SNX29: variants seen among roughly 807,000 people sequenced by gnomAD.
SNX29 encodes sorting nexin 29, also known as sorting nexin-29.
A neutral mutation model predicts 102.1 loss-of-function variants in SNX29; 78 were observed. That is an observed-to-expected ratio of 0.76 (90% confidence interval 0.64 to 0.92). The LOEUF is 0.92. SNX29 is among the 40% of genes least tolerant of loss of function. The probability of loss-of-function intolerance (pLI) is 0.00; values close to 1 mark genes in which losing one functional copy is unlikely to be tolerated. For synonymous variants in SNX29, 580 were observed against 414.5 expected, an observed-to-expected ratio of 1.40 and a Z score of -4.85; for missense variants, 1,280 against 1,061.7, an observed-to-expected ratio of 1.21 and a Z score of -2.86.
chr16:12,405,019 T>C (rs530402841), intron 18 of SNX29, among the ~76,000 whole-genome samples: 1 of 152,332 alleles, frequency 6.6e-6, no homozygotes, highest in African/African-American at 2.4e-5. Context: ...CCAGCTCCGG[T>C]TTAAAGGGAG....
intron 19 of SNX29, among the ~76,000 whole-genome samples, chr16:12,522,766 C>G (rs1262166853): frequency 6.6e-6 from 1 of 152,182 alleles, no homozygotes; most frequent in East Asian, 1.9e-4. Context: ...CCAGTTAAAC[C>G]TCTTTTCTGT....
At chr16:12,534,569 T>A (rs1200978190) in intron 20 of SNX29, among the ~76,000 whole-genome samples, 1 of 152,228 alleles carries the variant, frequency 6.6e-6, no homozygotes, top group Non-Finnish European at 1.5e-5. Flanking sequence ...CACAGGTTAT[T>A]AGGGTTGAAA....
intron 20 of SNX29, among the ~76,000 whole-genome samples, chr16:12,567,452 T>G (rs1236790287): frequency 6.6e-6 from 1 of 152,176 alleles, no homozygotes; most frequent in East Asian, 1.9e-4. Context: ...CCCCAGAATT[T>G]ATGTGTCCCC....
At chr16:11,995,229 C>A (rs2056018971) in intron 1 of SNX29, among the ~76,000 whole-genome samples, 1 of 152,160 alleles carries the variant, frequency 6.6e-6, no homozygotes, top group Non-Finnish European at 1.5e-5. Context: ...CCACACCTGG[C>A]TAATTTTTGT....
At chr16:12,565,191 G>C (rs2078946261) in intron 20 of SNX29, among the ~76,000 whole-genome samples, 1 of 152,042 alleles carries the variant, frequency 6.6e-6, no homozygotes, top group South Asian at 2.1e-4. Flanking sequence ...CCCACCTTCA[G>C]ATTCTGCTAT....
chr16:12,502,002 C>A (rs536095463), intron 19 of SNX29, among the ~76,000 whole-genome samples: 1 of 152,156 alleles, frequency 6.6e-6, no homozygotes, highest in Non-Finnish European at 1.5e-5. Flanking sequence ...GACCTTCTCT[C>A]TCTGACTCAT....
chr16:12,555,939 A>G (rs1362172082), intron 20 of SNX29, among the ~76,000 whole-genome samples: 2 of 152,148 alleles, frequency 1.3e-5, no homozygotes, highest in Non-Finnish European at 2.9e-5. Context: ...AGGTCTGTTT[A>G]CATCACACCA....
chr16:12,255,700 T>C (rs544098423), intron 14 of SNX29, among the ~76,000 whole-genome samples: 2 of 152,354 alleles, frequency 1.3e-5, no homozygotes, highest in Admixed American at 1.3e-4. Context: ...TCATCACAAA[T>C]GACAGGATTT....
chr16:12,240,930 CT>C (rs1268278914), intron 14 of SNX29, among the ~76,000 whole-genome samples: 1 of 152,048 alleles, frequency 6.6e-6, no homozygotes, highest in African/African-American at 2.4e-5. Context: ...TGTGGTAAAT[CT>C]TTTTCTTTTA....
At chr16:12,339,973 A>G (rs1291373160) in intron 15 of SNX29, among the ~76,000 whole-genome samples, 2 of 152,212 alleles carry the variant, frequency 1.3e-5, no homozygotes, top group Non-Finnish European at 2.9e-5. Flanking sequence ...CCATTAGCCA[A>G]AAAAGAGGGG....
In SNX29 at chr16:12,205,587, CT is replaced by C. The variant is rs146819467; in HGVS notation, c.1678+5905del. ...CTCAGGCTCTTTGCACGTGCTGCCC[CT>C]ATGCAGGGACGCTCTTCCCTGGTCT... On this transcript the variant is annotated intron_variant, in intron 14 of 20. Transcript: ENST00000566228. Among the ~76,000 whole-genome samples the C allele has an allele frequency of 1.7e-3, 262 of 151,934 alleles. 1 individual carries two copies. Among genetic ancestry groups the C allele is most frequent in the African/African-American group, 6.1e-3 (251 of 41,404 alleles).
intron 19 of SNX29, among the ~76,000 whole-genome samples, chr16:12,489,057 C>T (rs2088401505): frequency 6.6e-6 from 1 of 152,190 alleles, no homozygotes; most frequent in Non-Finnish European, 1.5e-5. Flanking sequence ...TCTGAAAAGA[C>T]TTAACCCGTA....
At chr16:12,268,944 A>G (rs1596695560) in intron 14 of SNX29, among the ~76,000 whole-genome samples, 1 of 152,258 alleles carries the variant, frequency 6.6e-6, no homozygotes, top group Admixed American at 6.5e-5. Context: ...GATACCCCCA[A>G]ACAGATGTGG....
In SNX29 at chr16:12,199,586, T is replaced by A. The variant is rs1191879971; in HGVS notation, c.1596-15T>A. On this transcript the variant is annotated splice_polypyrimidine_tract_variant and intron_variant, in intron 13 of 20. Transcript: ENST00000566228. ...TTTTTAAATATATATTTTTTTAACATTCTTGTACCTGCAGAGAGAACGAGG... is the reference window on the plus strand; with the variant it reads ...TTTTTAAATATATATTTTTTTAACAATCTTGTACCTGCAGAGAGAACGAGG... 3.1e-6 allele frequency: 5 copies of A among 1,604,690 alleles called. No homozygotes were observed. Among genetic ancestry groups the A allele is most frequent in the Non-Finnish European group, 3.4e-6 (4 of 1,175,020 alleles).
intron 14 of SNX29, among the ~76,000 whole-genome samples, chr16:12,256,883 C>T (rs1361495525): frequency 1.3e-5 from 2 of 152,200 alleles, no homozygotes; most frequent in African/African-American, 4.8e-5. Context: ...ATAGCTAAAG[C>T]AGAACATCTG....
chr16:12,060,975 G>T (rs1269756772), intron 8 of SNX29: 1 of 418,504 alleles, frequency 2.4e-6, no homozygotes, highest in African/African-American at 2.0e-5. Context: ...GCGAGGCGGA[G>T]CAACGCTAGC....
rs114569439 is a variant in SNX29 at position 12,228,680 on chromosome 16, C to G, written c.1678+28997C>G. Among the ~76,000 whole-genome samples the G allele has an allele frequency of 5.0e-3, 764 of 152,364 alleles. 5 individuals carry two copies. Among genetic ancestry groups the G allele is most frequent in the African/African-American group, 0.018 (729 of 41,584 alleles). On this transcript the variant is annotated intron_variant, in intron 14 of 20. Coordinates refer to ENST00000566228, the MANE Select transcript of SNX29 (RefSeq NM_032167.5). ...CCCTGTCTGGTGCGCAGCTCCCCAA[C>G]CTATGCTGTTCTCTGCCTGTATCAC...
chr16:12,423,806 A>C (rs1015879685), intron 18 of SNX29, among the ~76,000 whole-genome samples: 3 of 152,148 alleles, frequency 2.0e-5, no homozygotes, highest in African/African-American at 7.2e-5. Flanking sequence ...TCCTGACCTG[A>C]AGTGATCCAC....
chr16:12,405,256 T>C (rs1028469000), intron 18 of SNX29, among the ~76,000 whole-genome samples: 3 of 152,216 alleles, frequency 2.0e-5, no homozygotes, highest in Admixed American at 2.0e-4. Flanking sequence ...GTTTTGACTT[T>C]TCCCCCTGTT....
Sources: gnomAD v4.1 joint callset for allele counts (sites outside exome capture counted in the v4.1 genomes callset) on GRCh38, gnomAD v4.1.1 for gene constraint, MANE v1.5 for transcripts, NCBI Gene and HGNC (gene_info 2026-07-23, HGNC 2026-07-21) for gene names.